Variants in KNL1 observed in about 807,000 individuals in gnomAD.
KNL1 encodes the protein kinetochore scaffold 1.
In KNL1, 66 loss-of-function variants were observed where a neutral mutation model predicts 201.3. The ratio of observed to expected loss-of-function variants is 0.33; its 90% confidence interval spans 0.27 to 0.40. The LOEUF is 0.40. Among genes scored for constraint, KNL1 ranks in the 10% least tolerant of loss-of-function variants. The pLI is 1.00. For missense variants in KNL1, 2,815 were observed against 2,690.5 expected, an observed-to-expected ratio of 1.05 and a Z score of -1.02; for synonymous variants, 895 against 899.2, an observed-to-expected ratio of 1.00 and a Z score of 0.08.
intron 21 of KNL1, among the ~76,000 whole-genome samples, 172 bp from the exon 22 acceptor site, chr15:40,654,737 C>A (rs1029285169): frequency 6.6e-6 from 1 of 151,786 alleles, no homozygotes. Context: ...GGTGTGGTGG[C>A]GGGCGCCTGT....
intron 4 of KNL1, among the ~76,000 whole-genome samples, chr15:40,607,629 G>A (rs947299696): frequency 2.6e-5 from 4 of 152,116 alleles, no homozygotes; most frequent in Non-Finnish European, 5.9e-5. Flanking sequence ...TGGTATTTAT[G>A]TGAGTAGAAA....
intron 24 of KNL1, 35 bp from the exon 25 acceptor site, chr15:40,659,304 G>A (rs375171090): frequency 8.7e-6 from 13 of 1,492,978 alleles, no homozygotes; most frequent in Middle Eastern, 1.8e-4. Context: ...GCTATTATTT[G>A]TTGCATTTTT....
chr15:40,609,595 A>C (rs1426315721), intron 5 of KNL1, among the ~76,000 whole-genome samples: 1 of 152,184 alleles, frequency 6.6e-6, no homozygotes, highest in Non-Finnish European at 1.5e-5. Context: ...TGTTAATAAC[A>C]AAAGCCAGTG....
In KNL1 at chr15:40,651,996, T is replaced by C; in HGVS notation, c.6315-9T>C. 7 of 1,600,808 alleles carry C rather than the reference T, an allele frequency of 4.4e-6. No individual in the cohort carries two copies. The highest frequency in any genetic ancestry group is 6.0e-6 in the Non-Finnish European group (7 of 1,169,986). ...ACGCTTTTTAAAAATCTTGTTTATC[T>C]CTCTACAGCTTGTCTGAGTGGGATG... On this transcript the variant is annotated splice_polypyrimidine_tract_variant and intron_variant, in intron 20 of 25. Transcript: ENST00000399668.
chr15:40,655,548 G>A (rs1329701652), intron 22 of KNL1, among the ~76,000 whole-genome samples: 3 of 140,978 alleles, frequency 2.1e-5, no homozygotes, highest in Admixed American at 7.6e-5. Context: ...CCGAGATTGC[G>A]CCACTGCACT....
intron 16 of KNL1, among the ~76,000 whole-genome samples, chr15:40,646,536 C>T (rs1893386010): frequency 6.6e-6 from 1 of 151,750 alleles, no homozygotes; most frequent in Middle Eastern, 3.2e-3. Context: ...AAGTTCCAAC[C>T]TAAAGCTTTG....
At chr15:40,652,771 A>G (rs548503151) in intron 21 of KNL1, among the ~76,000 whole-genome samples, 1 of 151,956 alleles carries the variant, frequency 6.6e-6, no homozygotes, top group African/African-American at 2.4e-5. Flanking sequence ...AAAAAAAAAA[A>G]AAAAAAAGAA....
intron 22 of KNL1, among the ~76,000 whole-genome samples, chr15:40,656,043 A>G (rs1398565987): frequency 6.6e-6 from 1 of 152,190 alleles, no homozygotes; most frequent in African/African-American, 2.4e-5. Context: ...AATTAACACT[A>G]TGAAGTCCAT....
rs1892807454 is a variant in KNL1 at position 40,628,198 on chromosome 15, G to C, written c.5505G>C (p.Leu1835=). The C allele has an allele frequency of 6.3e-7, 1 of 1,599,592 alleles. No individual in the cohort carries two copies. Among genetic ancestry groups the C allele is most frequent in the Admixed American group, 1.8e-5 (1 of 55,818 alleles). ...LDSIKADGTS[L]DFSTYRSSQM... ...CAATCAAGGCTGATGGGACCTCTCT[G>C]GACTTCAGCAGTAAGAGCTTCATGA... is the stretch of plus-strand genomic sequence containing the variant. Residue 1835 remains leucine, a synonymous_variant, in exon 11 of 26, where the codon CTG becomes CTC. Coordinates refer to ENST00000399668, the MANE Select transcript of KNL1 (RefSeq NM_144508.5).
rs549061269 is a variant in KNL1, at chr15:40,619,121, C to T, written c.375+110C>T. 4.1e-4 allele frequency: 325 copies of T among 793,674 alleles called. No individual in the cohort carries two copies. The African/African-American group carries it at 5.1e-3, about 12-fold the overall frequency. 49.2% of individuals were successfully genotyped at this position (793,674 alleles called of 1,614,324 possible). ...TTAGGGATGACTTAAAAAAATGAAT[C>T]AGCATAAACTGGAAAGGCTTCCTAC... On this transcript the variant is annotated intron_variant, in intron 9 of 25. Coordinates refer to ENST00000399668, the MANE Select transcript of KNL1 (RefSeq NM_144508.5).
intron 4 of KNL1, among the ~76,000 whole-genome samples, chr15:40,607,189 C>T (rs929721210): frequency 5.3e-5 from 8 of 152,226 alleles, no homozygotes; most frequent in South Asian, 2.1e-4. Flanking sequence ...CATGAGCCAT[C>T]GTGCTGGGCC....
chr15:40,637,171 C>A (rs1403535584), intron 13 of KNL1, among the ~76,000 whole-genome samples: 1 of 119,692 alleles, frequency 8.4e-6, no homozygotes, highest in Non-Finnish European at 1.9e-5. Context: ...TTTCTTTTTT[C>A]TTTCTTTTTT....
chr15:40,661,966 G>A (rs557755916), intron 25 of KNL1, 108 bp from the exon 26 acceptor site: 24 of 605,908 alleles, frequency 4.0e-5, no homozygotes, highest in East Asian at 1.2e-4. Flanking sequence ...GCATGAACCC[G>A]GGAGGTGGAG....
In KNL1 at chr15:40,642,121, T is replaced by C. The variant is rs922480120; in HGVS notation, c.5798+1094T>C. Among the ~76,000 whole-genome samples the C allele has an allele frequency of 2.1e-4, 32 of 152,204 alleles. 1 individual carries two copies. Among genetic ancestry groups the C allele is most frequent in the African/African-American group, 7.5e-4 (31 of 41,452 alleles). On this transcript the variant is annotated intron_variant, in intron 14 of 25. Coordinates refer to ENST00000399668, the MANE Select transcript of KNL1 (RefSeq NM_144508.5). ...TTCAAAAGAATTATGTAGTTTTGGCTGGGCGCAGTGGCTCACGCCTGTAAT... is the reference window on the plus strand; with the variant it reads ...TTCAAAAGAATTATGTAGTTTTGGCCGGGCGCAGTGGCTCACGCCTGTAAT...
At chr15:40,655,189 T>G (rs978492708) in intron 22 of KNL1, among the ~76,000 whole-genome samples, 12 of 152,018 alleles carry the variant, frequency 7.9e-5, no homozygotes, top group African/African-American at 2.9e-4. Flanking sequence ...CCCTAGCTAC[T>G]CAGGAGGCTG....
intron 22 of KNL1, among the ~76,000 whole-genome samples, chr15:40,656,034 A>C (rs1365644470): frequency 1.3e-5 from 2 of 152,218 alleles, no homozygotes; most frequent in Non-Finnish European, 2.9e-5. Flanking sequence ...TATTACTTAA[A>C]TTAACACTAT....
At chr15:40,642,612 A>ATGTT (rs1186267051) in intron 14 of KNL1, among the ~76,000 whole-genome samples, 3 of 151,882 alleles carry the variant, frequency 2.0e-5, no homozygotes, top group Non-Finnish European at 4.4e-5. Flanking sequence ...TTCCCTGAGA[A>ATGTT]TGTTTGTTTG....
chr15:40,659,242 C>T (rs534628406), intron 24 of KNL1, 97 bp from the exon 25 acceptor site: 16 of 1,058,808 alleles, frequency 1.5e-5, no homozygotes, highest in African/African-American at 1.0e-4. Flanking sequence ...CCAGCCTGGG[C>T]GATAGAGCAA....
intron 13 of KNL1, 48 bp from the exon 14 acceptor site, chr15:40,640,864 T>C: frequency 9.1e-7 from 1 of 1,094,500 alleles, no homozygotes; most frequent in Non-Finnish European, 1.4e-6. Flanking sequence ...TTATATATGG[T>C]TTTGTCTGCA....
Sources: allele counts gnomAD v4.1 joint callset (sites outside exome capture counted in the v4.1 genomes callset), GRCh38; gene constraint gnomAD v4.1.1; transcripts MANE v1.5; gene names NCBI Gene and HGNC (gene_info 2026-07-23, HGNC 2026-07-21).